UBE2D2: variants seen among roughly 807,000 people sequenced by gnomAD.
The protein encoded by UBE2D2 is ubiquitin conjugating enzyme E2 D2, also known as ubiquitin-conjugating enzyme E2 D2.
UBE2D2 carries 2 observed loss-of-function variants against 24.2 expected under a neutral mutation model. The ratio of observed to expected loss-of-function variants is 0.08; its 90% CI spans 0.03 to 0.26. The LOEUF (loss-of-function observed/expected upper bound fraction) is 0.26, where lower values mean the gene tolerates loss of function less well. Among genes scored for constraint, UBE2D2 ranks in the 10% least tolerant of loss-of-function variants. The pLI is 1.00. For missense variants in UBE2D2, 44 were observed against 177.6 expected (o/e 0.25, Z 4.28); for synonymous variants, 58 against 56.5 (o/e 1.03, Z -0.12).
intron 1 of UBE2D2, among the ~76,000 whole-genome samples, chr5:139,531,625 C>CAAAAAAAAAAAAAA (rs112323447): frequency 1.0e-4 from 10 of 97,278 alleles, no homozygotes; most frequent in Non-Finnish European, 8.5e-5. Flanking sequence ...AGACCCTATC[C>CAAAAAAAAAAAAAA]AAAAAAAAAA....
intron 2 of UBE2D2, among the ~76,000 whole-genome samples, chr5:139,607,077 T>TA (rs1414069408): frequency 4.6e-5 from 7 of 152,232 alleles, no homozygotes; most frequent in African/African-American, 1.7e-4. Context: ...GTGCTGGGAT[T>TA]ACAGGCGTGA....
rs897447782 is a variant in UBE2D2 at position 139,537,824 on chromosome 5, C to T, written c.-64+11212C>T. ...CTAAAAATACAAAAAATTAGCTGGG[C>T]GTGTTGGTGGGCACCTGTAGTGCCA... On this transcript the variant is annotated intron_variant, in intron 1 of 6. Coordinates refer to the UBE2D2 transcript ENST00000511725. Among the ~76,000 whole-genome samples, 5 of 151,760 alleles carry T rather than the reference C, an allele frequency of 3.3e-5. No homozygotes were observed. In the East Asian group the frequency reaches 6.0e-4, roughly 18 times the overall value.
At chr5:139,585,992 A>G (rs1332588938) in intron 1 of UBE2D2, among the ~76,000 whole-genome samples, 1 of 151,000 alleles carries the variant, frequency 6.6e-6, no homozygotes, top group Non-Finnish European at 1.5e-5. Context: ...ATAGTACCAT[A>G]TATGATACTA....
chr5:139,591,485 C>T (rs1753845931), intron 1 of UBE2D2, among the ~76,000 whole-genome samples: 1 of 152,100 alleles, frequency 6.6e-6, no homozygotes, highest in East Asian at 1.9e-4. Flanking sequence ...ACAGTTTAAT[C>T]TCAGATAAGC....
intron 2 of UBE2D2, 122 bp downstream of exon 2, chr5:139,600,557 CTA>C: frequency 2.4e-6 from 2 of 842,930 alleles, no homozygotes; most frequent in Non-Finnish European, 3.7e-6. Flanking sequence ...GGGAGCAACT[CTA>C]TGTTCATCCC....
At chr5:139,536,013 C>T (rs1462285192) in intron 1 of UBE2D2, among the ~76,000 whole-genome samples, 1 of 152,024 alleles carries the variant, frequency 6.6e-6, no homozygotes, top group Non-Finnish European at 1.5e-5. Flanking sequence ...CTGCCTCAGC[C>T]TCCCAAGTAT....
At chr5:139,552,087 G>A (rs1332946394) in intron 1 of UBE2D2, among the ~76,000 whole-genome samples, 1 of 151,910 alleles carries the variant, frequency 6.6e-6, no homozygotes, top group Non-Finnish European at 1.5e-5. Flanking sequence ...ATGAAAAAAT[G>A]AGTTACTACA....
chr5:139,602,164 G>C (rs1038016035), intron 2 of UBE2D2, among the ~76,000 whole-genome samples: 1 of 151,956 alleles, frequency 6.6e-6, no homozygotes, highest in African/African-American at 2.4e-5. Context: ...CCATTCTCCT[G>C]CCTCAGCCTT....
chr5:139,611,175 C>CTTTT lies in UBE2D2; in HGVS notation c.89-3386_89-3383dup, dbSNP rs60626896. On this transcript the variant is annotated intron_variant, in intron 2 of 6. Transcript: ENST00000398733. ...TAGTTCTAGATGACAAGTTTTCCTT[C>CTTTT]TTTTTTTTTTTTTTTTTTTTTTTTT... is the stretch of plus-strand genomic sequence containing the variant. Among the ~76,000 whole-genome samples, 42 of 58,800 alleles carry CTTTT rather than the reference C, an allele frequency of 7.1e-4. 2 individuals carry two copies. Among genetic ancestry groups the CTTTT allele is most frequent in the African/African-American group, 2.2e-3 (33 of 14,920 alleles). The allele number at this position is 58,800 out of a possible 152,430, so 38.6% of individuals were successfully genotyped here. A position where few individuals can be genotyped will look rare whatever the true frequency, so the allele number is the denominator to read the frequency against.
At chr5:139,556,349 A>G (rs1752981101), upstream of UBE2D2, among the ~76,000 whole-genome samples, 1 of 152,174 alleles carries the variant, frequency 6.6e-6, no homozygotes. Context: ...TGGAGGTTGC[A>G]GTGAGCTGAG....
At chr5:139,615,055 C>CT (rs1754394974) in intron 5 of UBE2D2, 89 bp downstream of exon 5, 1 of 1,279,676 alleles carries the variant, frequency 7.8e-7, no homozygotes, top group Admixed American at 2.3e-5. Flanking sequence ...ACTTATGTTT[C>CT]TTTTAAGAAG....
At chr5:139,557,331 C>T (rs1195122251), upstream of UBE2D2, among the ~76,000 whole-genome samples, 1 of 151,864 alleles carries the variant, frequency 6.6e-6, no homozygotes, top group East Asian at 1.9e-4. Flanking sequence ...AGACATGTTT[C>T]ACCATGTTGG....
intron 6 of UBE2D2, among the ~76,000 whole-genome samples, chr5:139,626,285 G>A (rs1343366983): frequency 1.3e-5 from 2 of 152,066 alleles, no homozygotes; most frequent in Non-Finnish European, 2.9e-5. Flanking sequence ...GCCCAGGCTG[G>A]TGTGAAACGC....
chr5:139,616,701 A>C (rs1754428133), intron 5 of UBE2D2, among the ~76,000 whole-genome samples: 1 of 152,190 alleles, frequency 6.6e-6, no homozygotes, highest in African/African-American at 2.4e-5. Context: ...GTGTTAAGAG[A>C]CTTAATCATC....
At position 139,604,383 on chromosome 5, in the gene UBE2D2, C is replaced by T. The variant is rs560917386; in HGVS notation, c.88+3948C>T. 2.6e-5 allele frequency among the ~76,000 whole-genome samples: 4 copies of T among 151,966 alleles called. No homozygotes were observed. The South Asian group carries it at 6.2e-4, about 24-fold the overall frequency. ...GAACTCCTGACCTCAAGTGATCCGC[C>T]CACCTCTACCTCCCAAAGCGCTGGA... On this transcript the variant is annotated intron_variant, in intron 2 of 6. Coordinates refer to ENST00000398733, the MANE Select transcript of UBE2D2 (RefSeq NM_003339.3).
intron 1 of UBE2D2, among the ~76,000 whole-genome samples, chr5:139,574,699 A>G (rs1044464561): frequency 6.6e-6 from 1 of 151,554 alleles, no homozygotes; most frequent in African/African-American, 2.4e-5. Flanking sequence ...GTGTTTGCCA[A>G]CAACATTCAG....
rs1754129583 is a variant in UBE2D2, at chr5:139,603,622, C to CG, written c.88+3188dup. 5.0e-5 allele frequency among the ~76,000 whole-genome samples: 4 copies of CG among 80,534 alleles called. No homozygotes were observed. In the South Asian group the frequency reaches 1.4e-3, roughly 28 times the overall value. 52.8% of individuals were successfully genotyped at this position (80,534 alleles called of 152,430 possible). A position where few individuals can be genotyped will look rare whatever the true frequency, so the allele number is the denominator to read the frequency against. ...GGGTGACAGAGTGAGACTCTGTCTC[C>CG]GAAAAAAAAAAAAAAAAAAAAAAAG... On this transcript the variant is annotated intron_variant, in intron 2 of 6. Transcript: ENST00000398733.
At chr5:139,570,713 A>G (rs1373796515) in intron 1 of UBE2D2, among the ~76,000 whole-genome samples, 7 of 151,966 alleles carry the variant, frequency 4.6e-5, no homozygotes, top group Admixed American at 3.9e-4. Flanking sequence ...GGGTCTCACT[A>G]TGTTAGCCAG....
chr5:139,546,385 A>C (rs564644906), intron 1 of UBE2D2, among the ~76,000 whole-genome samples: 2 of 152,022 alleles, frequency 1.3e-5, no homozygotes, highest in Admixed American at 1.3e-4. Flanking sequence ...GAGTTTCACC[A>C]TATTGGCCAG....
Sources: allele counts gnomAD v4.1 joint callset (sites outside exome capture counted in the v4.1 genomes callset), GRCh38; gene constraint gnomAD v4.1.1; transcripts MANE v1.5; gene names NCBI Gene and HGNC (gene_info 2026-07-23, HGNC 2026-07-21).